ARNT2: variants seen among roughly 807,000 people sequenced by gnomAD.
ARNT2 encodes aryl hydrocarbon receptor nuclear translocator 2.
A neutral mutation model predicts 91.7 loss-of-function variants in ARNT2; 36 were observed. The observed-to-expected ratio is 0.39, with a 90% confidence interval of 0.30 to 0.52. ARNT2 has a LOEUF of 0.52. Ranked by LOEUF, ARNT2 falls within the 20% of genes least tolerant of loss-of-function variation. The pLI is 0.72. For synonymous variants in ARNT2, 365 were observed against 347.1 expected, an observed-to-expected ratio of 1.05 and a Z score of -0.57; for missense variants, 775 against 939.3, an observed-to-expected ratio of 0.83 and a Z score of 2.29.
intron 8 of ARNT2, among the ~76,000 whole-genome samples, chr15:80,528,384 A>G (rs1202948006): frequency 6.6e-6 from 1 of 151,968 alleles, no homozygotes; most frequent in Non-Finnish European, 1.5e-5. Flanking sequence ...CTATCTATCT[A>G]TCTATCTATC....
At chr15:80,407,672 T>C (rs906157592) in intron 1 of ARNT2, among the ~76,000 whole-genome samples, 10 of 152,108 alleles carry the variant, frequency 6.6e-5, no homozygotes, top group African/African-American at 2.2e-4. Flanking sequence ...TCCTTTAGAC[T>C]AGAGAGTGAA....
chr15:80,485,863 T>C (rs7180575), intron 5 of ARNT2, among the ~76,000 whole-genome samples: 6,521 of 152,276 alleles, frequency 0.043, 290 homozygotes, highest in East Asian at 0.13. Flanking sequence ...GAGTTATCTA[T>C]GCGAGGGCTG....
chr15:80,578,510 G>C (rs752774617), intron 15 of ARNT2, among the ~76,000 whole-genome samples: 1 of 151,566 alleles, frequency 6.6e-6, no homozygotes, highest in Non-Finnish European at 1.5e-5. Flanking sequence ...ACCATGCTGA[G>C]GAGGAGGACA....
intron 1 of ARNT2, among the ~76,000 whole-genome samples, chr15:80,448,909 C>A (rs967045795): frequency 1.3e-5 from 2 of 152,096 alleles, no homozygotes; most frequent in African/African-American, 4.8e-5. Flanking sequence ...GGCGTGAACC[C>A]GGGAGGTGGA....
chr15:80,564,226 A>G (rs946736716), intron 12 of ARNT2, among the ~76,000 whole-genome samples: 4 of 151,028 alleles, frequency 2.6e-5, no homozygotes, highest in Non-Finnish European at 5.9e-5. Context: ...CCTGTTTCCA[A>G]CCCTACCACC....
Position 80,442,791 on chromosome 15 carries a change from A to G in ARNT2, c.32-8089A>G, listed in dbSNP as rs922021439. 6.3e-6 allele frequency: 6 copies of G among 949,000 alleles called. No individual in the cohort carries two copies. In the African/African-American group the frequency reaches 8.9e-5, roughly 14 times the overall value. 58.8% of individuals were successfully genotyped at this position (949,000 alleles called of 1,614,324 possible). On this transcript the variant is annotated intron_variant, in intron 1 of 18. Transcript: ENST00000303329. ...GTAGTTGTAAATATGCAACTGGCCCAATCATATTTTTCTTCTGTCTCTAAA... is the reference window on the plus strand; with the variant it reads ...GTAGTTGTAAATATGCAACTGGCCCGATCATATTTTTCTTCTGTCTCTAAA...
chr15:80,518,277 C>CG (rs370618081), intron 8 of ARNT2, among the ~76,000 whole-genome samples: 1 of 89,352 alleles, frequency 1.1e-5, no homozygotes, highest in East Asian at 3.6e-4. Flanking sequence ...TTTTTCTATT[C>CG]TTTTTTTTTT....
At chr15:80,592,656 T>C (rs74027868) in intron 18 of ARNT2, among the ~76,000 whole-genome samples, 174 of 152,340 alleles carry the variant, frequency 1.1e-3, no homozygotes, top group African/African-American at 4.0e-3. Context: ...GGCAGCATTC[T>C]GTGAATGTAC....
intron 1 of ARNT2, among the ~76,000 whole-genome samples, chr15:80,426,768 A>C (rs900857435): frequency 6.6e-6 from 1 of 152,168 alleles, no homozygotes; most frequent in Admixed American, 6.5e-5. Context: ...AAAATACTAT[A>C]GACTGGGTGG....
At chr15:80,524,788 T>G (rs1249313895) in intron 8 of ARNT2, among the ~76,000 whole-genome samples, 1 of 150,500 alleles carries the variant, frequency 6.6e-6, no homozygotes, top group Non-Finnish European at 1.5e-5. Context: ...GGCAGGAGAA[T>G]GGCATGAACC....
intron 3 of ARNT2, among the ~76,000 whole-genome samples, chr15:80,460,475 C>T (rs1012317494): frequency 3.3e-5 from 5 of 152,228 alleles, no homozygotes; most frequent in African/African-American, 2.4e-5. Flanking sequence ...CACGCCCATA[C>T]GTGCATAGGC....
intron 5 of ARNT2, among the ~76,000 whole-genome samples, chr15:80,504,061 T>C (rs573193701): frequency 6.6e-6 from 1 of 152,292 alleles, no homozygotes; most frequent in African/African-American, 2.4e-5. Context: ...AAGGTGACCA[T>C]CCTCTCTTGC....
intron 11 of ARNT2, among the ~76,000 whole-genome samples, chr15:80,558,453 C>T (rs1019540681): frequency 2.0e-5 from 3 of 151,522 alleles, no homozygotes; most frequent in Non-Finnish European, 2.9e-5. Context: ...GATTCTCATG[C>T]CTCAGCCTCC....
At chr15:80,481,022 A>C (rs1401901755) in intron 5 of ARNT2, among the ~76,000 whole-genome samples, 1 of 152,156 alleles carries the variant, frequency 6.6e-6, no homozygotes, top group African/African-American at 2.4e-5. Flanking sequence ...TTTGCCAACT[A>C]TTCCAGCCGG....
chr15:80,533,869 A>G (rs926486333), intron 8 of ARNT2, among the ~76,000 whole-genome samples: 1 of 152,238 alleles, frequency 6.6e-6, no homozygotes, highest in Admixed American at 6.5e-5. Flanking sequence ...CAAGAGGGAC[A>G]GTTGTTGTGC....
Position 80,591,592 on chromosome 15 carries a change from A to G in ARNT2, c.1943A>G (p.Gln648Arg). ...GFAESGQSSG[Q>R]FQGRPSEVWS... ...GCTGAAAGTGGACAAAGTAGCGGGC[A>G]GTTCCAAGGGCGGCCCTCGGAAGTC... Residue 648 changes from glutamine to arginine, a missense_variant, in exon 18 of 19, where the codon CAG (glutamine) becomes CGG (arginine). Physicochemically the swap from Gln to Arg is conservative, Grantham distance 43. Around this residue, in one of 5 missense-constraint regions of ARNT2, gnomAD observed 325 missense variants for 359.9 expected, o/e 0.90. Coordinates refer to ENST00000303329, the MANE Select transcript of ARNT2 (RefSeq NM_014862.4). The surrounding 1 kb of genome is among the most constrained non-coding windows in gnomAD (Gnocchi z 5.1). The G allele has an allele frequency of 6.2e-7, 1 of 1,614,180 alleles. No homozygotes were observed. Among genetic ancestry groups the G allele is most frequent in the Non-Finnish European group, 8.5e-7 (1 of 1,180,020 alleles).
At chr15:80,433,543 C>A (rs538548330) in intron 1 of ARNT2, among the ~76,000 whole-genome samples, 68 of 152,224 alleles carry the variant, frequency 4.5e-4, no homozygotes, top group Admixed American at 2.7e-3. Flanking sequence ...ACCACCTCCC[C>A]CCGCCTCGGC....
intron 1 of ARNT2, among the ~76,000 whole-genome samples, chr15:80,410,461 T>G (rs1052019535): frequency 2.0e-5 from 3 of 152,258 alleles, no homozygotes; most frequent in Non-Finnish European, 4.4e-5. Context: ...GTTGAGCTGC[T>G]TGTGCGACAA....
intron 17 of ARNT2, among the ~76,000 whole-genome samples, chr15:80,584,556 G>C (rs1402168078): frequency 6.6e-6 from 1 of 152,220 alleles, no homozygotes. Context: ...GAATCGGTGA[G>C]TGGAGAAGGA....
Sources: allele counts gnomAD v4.1 joint callset (sites outside exome capture counted in the v4.1 genomes callset), GRCh38; gene constraint gnomAD v4.1.1; regional missense constraint gnomAD v4.1.1; non-coding constraint Gnocchi (gnomAD v3.1); transcripts MANE v1.5; gene names NCBI Gene and HGNC (gene_info 2026-07-23, HGNC 2026-07-21).